Variants in CNTNAP2 observed in about 807,000 individuals in gnomAD.
CNTNAP2 encodes the protein contactin-associated protein-like 2.
A neutral mutation model predicts 155.2 loss-of-function variants in CNTNAP2; 98 were observed. The ratio of observed to expected loss-of-function variants is 0.63; its 90% confidence interval spans 0.54 to 0.75. The LOEUF is 0.75. CNTNAP2 is among the 30% of genes least tolerant of loss of function. The pLI, the probability that CNTNAP2 is intolerant of heterozygous loss-of-function variation, is 0.00. For missense variants in CNTNAP2, 1,727 were observed against 1,688.1 expected (o/e 1.02, Z -0.40); for synonymous variants, 651 against 631.2 (o/e 1.03, Z -0.47).
intron 1 of CNTNAP2, among the ~76,000 whole-genome samples, chr7:146,408,878 G>A (rs1170188125): frequency 5.3e-5 from 8 of 151,830 alleles, no homozygotes; most frequent in African/African-American, 1.9e-4. Flanking sequence ...AGAAAAGAGA[G>A]GGTCCTTGCA....
intron 13 of CNTNAP2, among the ~76,000 whole-genome samples, chr7:147,744,378 G>T (rs2373180): frequency 0.21 from 32,330 of 151,960 alleles, 3,627 homozygotes; most frequent in Middle Eastern, 0.39. Flanking sequence ...ACCATCTGTT[G>T]GTTGATAAAG....
intron 13 of CNTNAP2, among the ~76,000 whole-genome samples, chr7:147,803,676 A>T (rs901954492): frequency 4.6e-5 from 7 of 152,186 alleles, no homozygotes; most frequent in Admixed American, 4.6e-4. Flanking sequence ...TCTTGTTTCC[A>T]TCCACTCCAT....
intron 19 of CNTNAP2, among the ~76,000 whole-genome samples, chr7:148,228,835 A>AAAAC (rs2116777466): frequency 6.6e-6 from 1 of 151,798 alleles, no homozygotes; most frequent in African/African-American, 2.4e-5. Flanking sequence ...TTCAAAAAAA[A>AAAAC]AAAAAAAACT....
At chr7:146,609,688 T>C (rs1325806840) in intron 1 of CNTNAP2, among the ~76,000 whole-genome samples, 2 of 152,212 alleles carry the variant, frequency 1.3e-5, no homozygotes, top group East Asian at 3.8e-4. Context: ...AAGAAATATA[T>C]ACAAGTAAAC....
chr7:146,729,992 GA>G (rs1340489774), intron 1 of CNTNAP2, among the ~76,000 whole-genome samples: 1 of 152,128 alleles, frequency 6.6e-6, no homozygotes, highest in African/African-American at 2.4e-5. Flanking sequence ...AGTCACAAAA[GA>G]ATGGCTCTGC....
rs57948179 is a variant in CNTNAP2, at chr7:146,185,030, C to T, written c.97+68057C>T. Among the ~76,000 whole-genome samples, 605 of 152,192 alleles carry T rather than the reference C, an allele frequency of 4.0e-3. 2 individuals are homozygous for T. The highest frequency in any genetic ancestry group is 0.014 in the African/African-American group (578 of 41,540). On this transcript the variant is annotated intron_variant, in intron 1 of 23. Coordinates refer to ENST00000361727, the MANE Select transcript of CNTNAP2 (RefSeq NM_014141.6). ...CCATATTCCAAAAATCACGCTCAAACATGGGAGATATTTTGAATTCAGAAC... is the reference window on the plus strand; with the variant it reads ...CCATATTCCAAAAATCACGCTCAAATATGGGAGATATTTTGAATTCAGAAC...
At chr7:147,049,584 G>C (rs1356744056) in intron 4 of CNTNAP2, among the ~76,000 whole-genome samples, 1 of 152,156 alleles carries the variant, frequency 6.6e-6, no homozygotes, top group East Asian at 1.9e-4. Flanking sequence ...GCTTCCTAGA[G>C]AATAGCAGTG....
intron 2 of CNTNAP2, among the ~76,000 whole-genome samples, chr7:146,780,573 C>T (rs1802468042): frequency 6.6e-6 from 1 of 151,988 alleles, no homozygotes; most frequent in Admixed American, 6.6e-5. Context: ...CTCTAATGAC[C>T]AGTGATGATG....
chr7:146,314,795 T>C (rs1255772082), intron 1 of CNTNAP2, among the ~76,000 whole-genome samples: 2 of 152,168 alleles, frequency 1.3e-5, no homozygotes, highest in African/African-American at 4.8e-5. Flanking sequence ...ACAGTCCTGC[T>C]TGAGCATTCA....
At chr7:146,611,894 CA>C (rs1799144559) in intron 1 of CNTNAP2, among the ~76,000 whole-genome samples, 2 of 152,134 alleles carry the variant, frequency 1.3e-5, no homozygotes, top group Admixed American at 6.5e-5. Context: ...TCTTCTTTTG[CA>C]AAATCACATG....
Position 146,984,367 on chromosome 7 carries a change from C to CA in CNTNAP2, c.403-59520dup, listed in dbSNP as rs34062629. Reference sequence around the variant, plus strand: ...GGGCAACAAGAGCAAAACCCCATCTCAAAAAAAAAAAAAAAAAAAAGATTT... The same window carrying CA: ...GGGCAACAAGAGCAAAACCCCATCTCAAAAAAAAAAAAAAAAAAAAAGATTT... On this transcript the variant is annotated intron_variant, in intron 3 of 23. Transcript: ENST00000361727. Among the ~76,000 whole-genome samples, 882 of 93,974 alleles carry CA rather than the reference C, an allele frequency of 9.4e-3. 5 individuals are homozygous for CA. Among genetic ancestry groups the CA allele is most frequent in the African/African-American group, 0.021 (515 of 24,896 alleles). 61.7% of individuals were successfully genotyped at this position (93,974 alleles called of 152,430 possible). A position where few individuals can be genotyped will look rare whatever the true frequency, so the allele number is the denominator to read the frequency against.
intron 9 of CNTNAP2, among the ~76,000 whole-genome samples, chr7:147,388,860 G>A (rs1456022434): frequency 1.3e-5 from 2 of 152,142 alleles, no homozygotes; most frequent in Non-Finnish European, 2.9e-5. Context: ...GATTACAGGC[G>A]TGAACATTCT....
At chr7:146,241,837 C>A (rs1362672906) in intron 1 of CNTNAP2, among the ~76,000 whole-genome samples, 2 of 140,306 alleles carry the variant, frequency 1.4e-5, no homozygotes, top group African/African-American at 6.4e-5. Flanking sequence ...CACACACACA[C>A]AAACACACAC....
intron 1 of CNTNAP2, among the ~76,000 whole-genome samples, chr7:146,586,837 T>A (rs1297585623): frequency 6.6e-6 from 1 of 152,178 alleles, no homozygotes; most frequent in Non-Finnish European, 1.5e-5. Context: ...CCAGCCTAAC[T>A]GTTAATGAGT....
chr7:146,819,879 T>C (rs1347974744), intron 2 of CNTNAP2, among the ~76,000 whole-genome samples: 1 of 152,156 alleles, frequency 6.6e-6, no homozygotes, highest in Non-Finnish European at 1.5e-5. Context: ...TGTCAGGATG[T>C]TCTGAGAATA....
intron 3 of CNTNAP2, among the ~76,000 whole-genome samples, chr7:146,920,932 A>G (rs1796485654): frequency 1.3e-5 from 2 of 152,224 alleles, no homozygotes; most frequent in African/African-American, 4.8e-5. Context: ...ATGCTTTCAG[A>G]GAATAGTGCT....
chr7:147,731,089 A>T (rs1796731261), intron 13 of CNTNAP2, among the ~76,000 whole-genome samples: 1 of 152,134 alleles, frequency 6.6e-6, no homozygotes, highest in Non-Finnish European at 1.5e-5. Context: ...CCTTCTCTAT[A>T]ACGTGAAAGT....
At chr7:147,129,593 T>C (rs1010493304) in intron 7 of CNTNAP2, among the ~76,000 whole-genome samples, 10 of 152,148 alleles carry the variant, frequency 6.6e-5, no homozygotes, top group Admixed American at 1.3e-4. Context: ...CCAGAGAGGC[T>C]ATTTGGGAGA....
intron 8 of CNTNAP2, among the ~76,000 whole-genome samples, chr7:147,196,731 T>C (rs1302913491): frequency 6.6e-6 from 1 of 152,160 alleles, no homozygotes; most frequent in Non-Finnish European, 1.5e-5. Context: ...TCTGTCACTT[T>C]CCTGCAGTAT....
Sources: allele counts gnomAD v4.1 joint callset (sites outside exome capture counted in the v4.1 genomes callset), GRCh38; gene constraint gnomAD v4.1.1; transcripts MANE v1.5; gene names NCBI Gene and HGNC (gene_info 2026-07-23, HGNC 2026-07-21).